Variants in RPH3A observed in about 807,000 individuals in gnomAD.
The protein encoded by RPH3A is rabphilin 3A, also known as rabphilin-3A.
RPH3A carries 48 observed loss-of-function variants against 102.2 expected under a neutral mutation model. That is an observed-to-expected ratio of 0.47 (90% confidence interval 0.37 to 0.60). The LOEUF (loss-of-function observed/expected upper bound fraction) is 0.60. Among genes scored for constraint, RPH3A ranks in the 20% least tolerant of loss-of-function variants. The pLI, the probability that RPH3A is intolerant of heterozygous loss-of-function variation, is 0.00. For synonymous variants in RPH3A, 310 were observed against 324.3 expected, an observed-to-expected ratio of 0.96 and a Z score of 0.47; for missense variants, 781 against 910.1, an observed-to-expected ratio of 0.86 and a Z score of 1.83.
chr12:112,588,011 G>A (rs1373455027), intron 1 of RPH3A, among the ~76,000 whole-genome samples: 2 of 152,168 alleles, frequency 1.3e-5, no homozygotes, highest in African/African-American at 4.8e-5. Flanking sequence ...TCACAGTTCT[G>A]TGTTTCCTGC....
chr12:112,869,950 C>G lies in RPH3A; in HGVS notation c.707C>G (p.Ala236Gly), dbSNP rs768175767. The change falls in exon 10 of 22, where the codon GCC (alanine) becomes GGC (glycine). Residue 236 changes from alanine (A) to glycine (G), a missense_variant. Transcript: ENST00000389385. ...RGNYGPPVRRASEARMSSSSR... is the reference protein window; with the variant it reads ...RGNYGPPVRRGSEARMSSSSR... ...AACTATGGGCCTCCCGTGCGCAGGG[C>G]CTCCGAGGCACGAATGAGCTCATCT... 4 of 1,614,126 alleles carry G rather than the reference C, an allele frequency of 2.5e-6. No homozygotes were observed. The highest frequency in any genetic ancestry group is 2.2e-5 in the South Asian group (2 of 91,078).
At chr12:112,862,488 A>G (rs950246601) in intron 5 of RPH3A, among the ~76,000 whole-genome samples, 1 of 152,230 alleles carries the variant, frequency 6.6e-6, no homozygotes, top group Non-Finnish European at 1.5e-5. Flanking sequence ...GTAAGTGCTC[A>G]GTAAACACCA....
intron 11 of RPH3A, 63 bp downstream of exon 11, chr12:112,875,233 C>G: frequency 7.8e-7 from 1 of 1,279,642 alleles, no homozygotes. Context: ...CCTCATACCT[C>G]CCATCCCTGC....
intron 5 of RPH3A, among the ~76,000 whole-genome samples, chr12:112,863,565 C>G (rs2042557155): frequency 6.6e-6 from 1 of 152,254 alleles, no homozygotes; most frequent in South Asian, 2.1e-4. Flanking sequence ...GGTAATCCAA[C>G]AACTTGGCCT....
rs527926770 is a variant in RPH3A at position 112,833,145 on chromosome 12, G to C, written c.72-3346G>C. ...CCCACCTCGGCCTCCCAAAGTGCTG[G>C]GATTACAGGTGTGAGCCACTGCACC... On this transcript the variant is annotated intron_variant, in intron 3 of 21. Coordinates refer to ENST00000389385, the MANE Select transcript of RPH3A (RefSeq NM_001143854.2). Among the ~76,000 whole-genome samples, 4 of 152,040 alleles carry C rather than the reference G, an allele frequency of 2.6e-5. No homozygotes were observed. The South Asian group carries it at 6.2e-4, about 24-fold the overall frequency.
chr12:112,604,473 A>G (rs1264026510), intron 1 of RPH3A, among the ~76,000 whole-genome samples: 1 of 152,224 alleles, frequency 6.6e-6, no homozygotes, highest in Non-Finnish European at 1.5e-5. Context: ...GGCATTTGCT[A>G]GACATTTTAT....
intron 1 of RPH3A, among the ~76,000 whole-genome samples, chr12:112,713,040 C>T (rs1565857404): frequency 6.0e-5 from 5 of 83,610 alleles, no homozygotes; most frequent in East Asian, 6.9e-4. Flanking sequence ...TCTTCTTCTT[C>T]TTCTTCTTCT....
At chr12:112,764,862 C>A (rs998103293) in intron 1 of RPH3A, among the ~76,000 whole-genome samples, 1 of 152,080 alleles carries the variant, frequency 6.6e-6, no homozygotes, top group African/African-American at 2.4e-5. Flanking sequence ...AGCTTCTGAG[C>A]TTTTTCATCC....
chr12:112,801,822 TTCTAC>T (rs1161789063), intron 2 of RPH3A, among the ~76,000 whole-genome samples: 1 of 152,208 alleles, frequency 6.6e-6, no homozygotes. Flanking sequence ...GACAACCCTA[TTCTAC>T]TCTGTTTATG....
intron 1 of RPH3A, among the ~76,000 whole-genome samples, chr12:112,692,631 C>T (rs2040315126): frequency 6.6e-6 from 1 of 151,962 alleles, no homozygotes; most frequent in Admixed American, 6.6e-5. Context: ...ATTTCAAAGC[C>T]ACTTTCTATA....
chr12:112,825,652 A>G lies in RPH3A; in HGVS notation c.-18-2649A>G, dbSNP rs112470705. Among the ~76,000 whole-genome samples the G allele has an allele frequency of 2.8e-3, 425 of 152,284 alleles. 2 individuals are homozygous for G. The highest frequency in any genetic ancestry group is 1.0e-2 in the African/African-American group (414 of 41,538). ...TTGATGGAGACTCTTTCACACATTC[A>G]GCAAATTTTCATTACGTACCTTCTA... is the stretch of plus-strand genomic sequence containing the variant. On this transcript the variant is annotated intron_variant, in intron 2 of 21. Coordinates refer to ENST00000389385, the MANE Select transcript of RPH3A (RefSeq NM_001143854.2).
intron 2 of RPH3A, among the ~76,000 whole-genome samples, chr12:112,800,132 G>A (rs2041313999): frequency 6.6e-6 from 1 of 152,148 alleles, no homozygotes; most frequent in African/African-American, 2.4e-5. Context: ...ACCGCGTGAA[G>A]TGCCATGAAG....
chr12:112,894,321 A>T (rs1016169636), intron 19 of RPH3A: 1 of 507,390 alleles, frequency 2.0e-6, no homozygotes, highest in Non-Finnish European at 3.4e-6. Context: ...GCCTCTCTGG[A>T]TCTCAGTTTC....
chr12:112,752,523 C>A (rs1228115600), intron 1 of RPH3A, among the ~76,000 whole-genome samples: 1 of 150,906 alleles, frequency 6.6e-6, no homozygotes, highest in African/African-American at 2.4e-5. Context: ...AAACCACAAT[C>A]ATTGGTAAAC....
intron 2 of RPH3A, among the ~76,000 whole-genome samples, chr12:112,825,824 G>A (rs1238535219): frequency 6.6e-6 from 1 of 152,182 alleles, no homozygotes; most frequent in East Asian, 1.9e-4. Flanking sequence ...TTGGGGTAGT[G>A]ATAAGAGCTA....
chr12:112,744,074 T>G (rs1160340673), intron 1 of RPH3A, among the ~76,000 whole-genome samples: 1 of 151,786 alleles, frequency 6.6e-6, no homozygotes, highest in Non-Finnish European at 1.5e-5. Flanking sequence ...TCAGTTTTCT[T>G]TCTTTCTTTC....
intron 1 of RPH3A, among the ~76,000 whole-genome samples, chr12:112,698,572 A>T (rs2136027368): frequency 6.6e-6 from 1 of 152,204 alleles, no homozygotes; most frequent in Non-Finnish European, 1.5e-5. Flanking sequence ...ACTTTATAAA[A>T]ATGTAGAACT....
At chr12:112,585,669 A>T (rs1358693647) in intron 1 of RPH3A, among the ~76,000 whole-genome samples, 1 of 152,120 alleles carries the variant, frequency 6.6e-6, no homozygotes, top group South Asian at 2.1e-4. Flanking sequence ...CGGGAGGCAG[A>T]GTTTGCAGTG....
At chr12:112,714,125 C>T (rs2040498638) in intron 1 of RPH3A, among the ~76,000 whole-genome samples, 1 of 152,056 alleles carries the variant, frequency 6.6e-6, no homozygotes, top group South Asian at 2.1e-4. Context: ...AAGATTCTGT[C>T]CCAATGTGTC....
Sources: gnomAD v4.1 joint callset for allele counts (sites outside exome capture counted in the v4.1 genomes callset) on GRCh38, gnomAD v4.1.1 for gene constraint, MANE v1.5 for transcripts, NCBI Gene and HGNC (gene_info 2026-07-23, HGNC 2026-07-21) for gene names.